The following JKAMP variants were observed in gnomAD, a reference collection of about 807,000 sequenced individuals.
JKAMP encodes JNK1/MAPK8 associated membrane protein, also known as JNK1/MAPK8-associated membrane protein.
Under a neutral mutation model 40.2 loss-of-function variants are expected in JKAMP, and 20 were observed. The ratio of observed to expected loss-of-function variants is 0.50; its 90% CI spans 0.35 to 0.72. The LOEUF is 0.72. JKAMP is among the 30% of genes least tolerant of loss of function. JKAMP has a pLI of 0.01. For missense variants in JKAMP, 276 were observed against 373.0 expected (o/e 0.74, Z 2.14); for synonymous variants, 138 against 131.6 (o/e 1.05, Z -0.33).
At chr14:59,494,334 A>G (rs1438158860) in intron 3 of JKAMP, among the ~76,000 whole-genome samples, 1 of 152,228 alleles carries the variant, frequency 6.6e-6, no homozygotes, top group Non-Finnish European at 1.5e-5. Flanking sequence ...GGATAAACAA[A>G]TCACAGTATT....
At chr14:59,488,809 T>C (rs150123126) in intron 3 of JKAMP, among the ~76,000 whole-genome samples, 7 of 152,368 alleles carry the variant, frequency 4.6e-5, no homozygotes, top group Admixed American at 6.5e-5. Flanking sequence ...TGACTGCAAC[T>C]TGTTACCTAG....
At chr14:59,491,570 C>T (rs1891008895) in intron 3 of JKAMP, among the ~76,000 whole-genome samples, 1 of 152,170 alleles carries the variant, frequency 6.6e-6, no homozygotes, top group Non-Finnish European at 1.5e-5. Flanking sequence ...GTGTTTTCAT[C>T]TTTGTAAAAT....
At chr14:59,502,750 A>ATTTTTGTTTTTTTTTTTTTGTTTTTG (rs1555339682) in intron 6 of JKAMP, among the ~76,000 whole-genome samples, 1 of 4,918 alleles carries the variant, frequency 2.0e-4, no homozygotes, top group African/African-American at 3.4e-4. Context: ...ATAAAATGAG[A>ATTTTTGTTTTTTTTTTTTTGTTTTTG]TTTTTTTTTT....
At chr14:59,489,273 C>T (rs1475532515) in intron 3 of JKAMP, among the ~76,000 whole-genome samples, 2 of 152,248 alleles carry the variant, frequency 1.3e-5, no homozygotes, top group Non-Finnish European at 2.9e-5. Context: ...CACAGCACAT[C>T]TTGGATGTTT....
Position 59,505,367 on chromosome 14 carries a change from G to C in JKAMP, c.*1295G>C. 2.0e-6 allele frequency: 2 copies of C among 988,988 alleles called. No homozygotes were observed. The highest frequency in any genetic ancestry group is 2.9e-6 in the Non-Finnish European group (2 of 691,872). 61.3% of individuals were successfully genotyped at this position (988,988 alleles called of 1,614,324 possible). A position where few individuals can be genotyped will look rare whatever the true frequency, so the allele number is the denominator to read the frequency against. ...AATTTTATTTGTATTGCACACATTT[G>C]GGGGGTTATTAGTGTTCATTAAAAT... On this transcript the variant is annotated 3_prime_UTR_variant, in exon 7 of 7. Transcript: ENST00000616435.
chr14:59,500,108 A>G (rs1316012594), intron 5 of JKAMP, among the ~76,000 whole-genome samples: 1 of 152,182 alleles, frequency 6.6e-6, no homozygotes, highest in East Asian at 1.9e-4. Context: ...TATCATTAGC[A>G]ACATTGTTTA....
At chr14:59,486,046 T>C (rs995632348) in intron 1 of JKAMP, 1 of 152,216 alleles carries the variant, frequency 6.6e-6, no homozygotes, top group African/African-American at 2.4e-5. Context: ...TTTTTTTAAG[T>C]AAGGAATAGC....
chr14:59,486,316 G>A (rs1890565245), intron 1 of JKAMP, among the ~76,000 whole-genome samples: 2 of 152,234 alleles, frequency 1.3e-5, no homozygotes, highest in Admixed American at 1.3e-4. Context: ...ACATGTGGGT[G>A]CTTAATGTCC....
chr14:59,498,488 A>T (rs1246443841), intron 4 of JKAMP, among the ~76,000 whole-genome samples: 1 of 152,158 alleles, frequency 6.6e-6, no homozygotes, highest in Non-Finnish European at 1.5e-5. Flanking sequence ...ATCAAAAGGG[A>T]TAAACAGTTT....
At chr14:59,497,654 G>A (rs1891550253) in intron 4 of JKAMP, among the ~76,000 whole-genome samples, 1 of 152,116 alleles carries the variant, frequency 6.6e-6, no homozygotes, top group Non-Finnish European at 1.5e-5. Context: ...GAGCTCTTAA[G>A]GAACTACAAG....
In JKAMP at chr14:59,504,187, A is replaced by T; in HGVS notation, c.*115A>T. 1.5e-6 allele frequency: 1 copy of T among 666,384 alleles called. No homozygotes were observed. The highest frequency in any genetic ancestry group is 2.6e-6 in the Non-Finnish European group (1 of 390,434). 41.3% of individuals were successfully genotyped at this position (666,384 alleles called of 1,614,324 possible). The stretch of plus-strand genomic sequence containing the variant: ...TATATGGGAACAAGATTGTCAGTAT[A>T]TCTTAATGTTTGGGTTTGTCTTTGT... On this transcript the variant is annotated 3_prime_UTR_variant, in exon 7 of 7. Transcript: ENST00000616435.
intron 2 of JKAMP, 39 bp from the exon 3 acceptor site, chr14:59,487,635 T>C (rs1296819314): frequency 2.0e-6 from 3 of 1,517,970 alleles, no homozygotes; most frequent in Middle Eastern, 1.7e-4. Flanking sequence ...TGTTGTAAAA[T>C]AATATCTGTA....
At chr14:59,484,719 C>G (rs1454268221) in intron 1 of JKAMP, 126 bp downstream of exon 1, 3 of 1,244,738 alleles carry the variant, frequency 2.4e-6, no homozygotes, top group African/African-American at 3.0e-5. Context: ...CCCCTTGACC[C>G]CGCCCGCCCT....
rs761871955 is a variant in JKAMP at position 59,495,086 on chromosome 14, T to C, written c.320T>C (p.Leu107Pro). The change falls in exon 4 of 7, where the codon CTT (leucine) becomes CCT (proline). Residue 107 changes from leucine to proline, a missense_variant. By Grantham distance (98) the Leu-to-Pro change is moderately conservative. Transcript: ENST00000616435. Reference protein sequence around the residue: ...ECSMAAIITLLVSDPVGVLYI... With the variant: ...ECSMAAIITLPVSDPVGVLYI... ...AGCATGGCAGCTATTATCACCTTAC[T>C]TGTGAGTGATCCAGTTGGTGTTCTT... 6.2e-7 allele frequency: 1 copy of C among 1,613,712 alleles called. No individual in the cohort carries two copies. The highest frequency in any genetic ancestry group is 1.1e-5 in the South Asian group (1 of 91,076).
chr14:59,495,692 A>G (rs1374871383), intron 4 of JKAMP, among the ~76,000 whole-genome samples: 1 of 152,200 alleles, frequency 6.6e-6, no homozygotes, highest in Non-Finnish European at 1.5e-5. Flanking sequence ...AATCAAATTC[A>G]TTTTGATATT....
At chr14:59,499,001 T>A (rs1301310248) in intron 5 of JKAMP, 93 bp downstream of exon 5, 1 of 524,816 alleles carries the variant, frequency 1.9e-6, no homozygotes, top group Non-Finnish European at 3.0e-6. Context: ...TTCCTTAAGA[T>A]AGTTTGTTTA....
Position 59,504,964 on chromosome 14 carries a change from T to C in JKAMP, c.*892T>C. Reference sequence around the variant, plus strand: ...TGGTTGGTTTGTGGTTTGTGATAGGTGTTCTGTGATGTTTATGCTTTGAAG... The same window carrying C: ...TGGTTGGTTTGTGGTTTGTGATAGGCGTTCTGTGATGTTTATGCTTTGAAG... On this transcript the variant is annotated 3_prime_UTR_variant, in exon 7 of 7. Coordinates refer to ENST00000616435, the MANE Select transcript of JKAMP (RefSeq NM_016475.5). 1 of 236,378 alleles carries C rather than the reference T, an allele frequency of 4.2e-6. No homozygotes were observed. The highest frequency in any genetic ancestry group is 8.1e-6 in the Non-Finnish European group (1 of 122,992). The allele number at this position is 236,378 out of a possible 1,614,324, so 14.6% of individuals were successfully genotyped here.
intron 4 of JKAMP, among the ~76,000 whole-genome samples, chr14:59,496,762 ATTGT>A (rs935699009): frequency 2.6e-5 from 4 of 152,144 alleles, no homozygotes; most frequent in East Asian, 3.8e-4. Flanking sequence ...CTGAATCAAG[ATTGT>A]TTGTTTTTCT....
At chr14:59,495,282 A>G (rs1891363006) in intron 4 of JKAMP, 58 bp downstream of exon 4, 1 of 1,340,988 alleles carries the variant, frequency 7.5e-7, no homozygotes, top group Non-Finnish European at 1.1e-6. Context: ...GAGGATTATT[A>G]TAGATTTTAT....
Sources: allele counts gnomAD v4.1 joint callset (sites outside exome capture counted in the v4.1 genomes callset), GRCh38; gene constraint gnomAD v4.1.1; transcripts MANE v1.5; gene names NCBI Gene and HGNC (gene_info 2026-07-23, HGNC 2026-07-21).